NHEJ1: variants seen among roughly 807,000 people sequenced by gnomAD.
NHEJ1 encodes the protein non-homologous end-joining factor 1.
In NHEJ1, 22 loss-of-function variants were observed where a neutral mutation model predicts 39.4. That is an observed-to-expected ratio of 0.56 (90% CI 0.40 to 0.80). The LOEUF is 0.80. NHEJ1 is among the 30% of genes least tolerant of loss of function. The pLI, the probability that NHEJ1 is intolerant of heterozygous loss-of-function variation, is 0.00. For synonymous variants in NHEJ1, 154 were observed against 135.6 expected, an observed-to-expected ratio of 1.14 and a Z score of -0.94; for missense variants, 329 against 357.1, an observed-to-expected ratio of 0.92 and a Z score of 0.63.
At chr2:219,139,295 C>T (rs1243875610) in intron 5 of NHEJ1, among the ~76,000 whole-genome samples, 1 of 152,104 alleles carries the variant, frequency 6.6e-6, no homozygotes, top group Non-Finnish European at 1.5e-5. Context: ...ACCATGTTGG[C>T]CAGGCTGGTC....
chr2:219,076,237 C>A lies in NHEJ1; in HGVS notation c.*144G>T. ...GGCCAATTCCCTGTGGGCCTGTCAA[C>A]ATCAACTTCAGTTCTCTCGCCCTTA... On this transcript the variant is annotated 3_prime_UTR_variant, in exon 8 of 8. Coordinates refer to ENST00000356853, the MANE Select transcript of NHEJ1 (RefSeq NM_024782.3). 1.9e-6 allele frequency: 3 copies of A among 1,539,696 alleles called. No individual in the cohort carries two copies. Among genetic ancestry groups the A allele is most frequent in the Non-Finnish European group, 2.6e-6 (3 of 1,141,292 alleles).
chr2:219,084,679 G>A (rs955158240), intron 5 of NHEJ1, among the ~76,000 whole-genome samples: 1 of 152,160 alleles, frequency 6.6e-6, no homozygotes, highest in African/African-American at 2.4e-5. Context: ...TGAGGCTGAT[G>A]GAAGGATTCC....
At position 219,071,253 on chromosome 2, in the gene NHEJ1, C is replaced by T. The variant is rs1384696166; in HGVS notation, c.*5128G>A. Among the ~76,000 whole-genome samples the T allele has an allele frequency of 6.6e-6, 1 of 152,186 alleles. No individual in the cohort carries two copies. Among genetic ancestry groups the T allele is most frequent in the Non-Finnish European group, 1.5e-5 (1 of 68,028 alleles). On this transcript the variant is annotated 3_prime_UTR_variant, in exon 8 of 8. Transcript: ENST00000356853. ...GTGCCAGTCAAAAGGATCACCCTTC[C>T]CCTACTCCATTCTCCCCTCTCCTGT...
intron 1 of NHEJ1, chr2:219,158,881 TA>T (rs925980119): frequency 2.3e-4 from 42 of 180,156 alleles, no homozygotes; most frequent in Non-Finnish European, 3.2e-4. Flanking sequence ...AGGATTTTTT[TA>T]AAAATCCCTA....
chr2:219,135,441 T>C (rs1228188120), intron 5 of NHEJ1, among the ~76,000 whole-genome samples: 2 of 152,028 alleles, frequency 1.3e-5, no homozygotes, highest in Non-Finnish European at 2.9e-5. Flanking sequence ...ACCTTGTCTC[T>C]ACTAAAAATA....
rs896058103 is a variant in NHEJ1 at position 219,148,934 on chromosome 2, A to G, written c.391-1139T>C. ...GTTTCGCTCATGTTGCCCAGGCTAC[A>G]GTACAGTAGCACGATCTCAGCTCAC... On this transcript the variant is annotated intron_variant, in intron 3 of 7. Coordinates refer to ENST00000356853, the MANE Select transcript of NHEJ1 (RefSeq NM_024782.3). Among the ~76,000 whole-genome samples, 3 of 151,806 alleles carry G rather than the reference A, an allele frequency of 2.0e-5. No homozygotes were observed. In the South Asian group the frequency reaches 6.3e-4, roughly 32 times the overall value.
intron 5 of NHEJ1, among the ~76,000 whole-genome samples, chr2:219,139,494 A>G (rs76341858): frequency 0.019 from 2,921 of 152,276 alleles, 98 homozygotes; most frequent in African/African-American, 0.066. Context: ...CAACAGCCAC[A>G]TGAGAAAGCT....
intron 5 of NHEJ1, among the ~76,000 whole-genome samples, chr2:219,143,619 C>T (rs1049109255): frequency 3.9e-5 from 6 of 152,230 alleles, no homozygotes; most frequent in South Asian, 2.1e-4. Context: ...ACTACAACTA[C>T]CTATCTCTCA....
intron 5 of NHEJ1, among the ~76,000 whole-genome samples, chr2:219,079,206 T>C (rs1003054760): frequency 6.6e-6 from 1 of 152,188 alleles, no homozygotes; most frequent in African/African-American, 2.4e-5. Context: ...CAAACCTGGC[T>C]GCACTTCGGA....
intron 5 of NHEJ1, among the ~76,000 whole-genome samples, chr2:219,083,786 A>G (rs769026124): frequency 7.2e-5 from 11 of 152,206 alleles, no homozygotes; most frequent in East Asian, 5.8e-4. Context: ...CCCTACTCCA[A>G]TGAGTGCTAA....
At chr2:219,093,807 A>G (rs1949182710) in intron 5 of NHEJ1, among the ~76,000 whole-genome samples, 1 of 152,254 alleles carries the variant, frequency 6.6e-6, no homozygotes, top group Non-Finnish European at 1.5e-5. Context: ...AGACACAGTG[A>G]AACCAAATCA....
rs1164655700 is a variant in NHEJ1, at chr2:219,157,972, T to TTC, written c.177+212_177+213dup. 4.8e-3 allele frequency among the ~76,000 whole-genome samples: 627 copies of TTC among 131,860 alleles called. 1 individual carries two copies. The highest frequency in any genetic ancestry group is 7.9e-3 in the Middle Eastern group (2 of 254). 86.5% of individuals were successfully genotyped at this position (131,860 alleles called of 152,430 possible). A position where few individuals can be genotyped will look rare whatever the true frequency, so the allele number is the denominator to read the frequency against. ...CATAGGGTAGGGAAACTAACTTTCTTTCTCTCTCTCTCTCTCTCTCACACA... is the reference window on the plus strand; with the variant it reads ...CATAGGGTAGGGAAACTAACTTTCTTTCTCTCTCTCTCTCTCTCTCTCACACA... On this transcript the variant is annotated intron_variant, in intron 2 of 7. Coordinates refer to ENST00000356853, the MANE Select transcript of NHEJ1 (RefSeq NM_024782.3).
intron 5 of NHEJ1, among the ~76,000 whole-genome samples, chr2:219,135,394 G>T (rs576097875): frequency 3.6e-4 from 55 of 151,024 alleles, no homozygotes; most frequent in Non-Finnish European, 5.8e-4. Flanking sequence ...ATCACTCAAG[G>T]TCAGGAGTTT....
chr2:219,147,355 G>A (rs1205748153), intron 4 of NHEJ1, among the ~76,000 whole-genome samples: 7 of 152,082 alleles, frequency 4.6e-5, no homozygotes, highest in South Asian at 4.1e-4. Flanking sequence ...GGTGGCGTGC[G>A]TCTACAATCC....
rs1406193189 is a variant in NHEJ1 at position 219,111,911 on chromosome 2, G to A, written c.589-33705C>T. Among the ~76,000 whole-genome samples, 3 of 152,084 alleles carry A rather than the reference G, an allele frequency of 2.0e-5. No individual in the cohort carries two copies. Among genetic ancestry groups the A allele is most frequent in the Non-Finnish European group, 2.9e-5 (2 of 68,020 alleles). On this transcript the variant is annotated intron_variant, in intron 5 of 7. Coordinates refer to ENST00000356853, the MANE Select transcript of NHEJ1 (RefSeq NM_024782.3). This position sits in a 1 kb window ranked among gnomAD's most constrained non-coding sequence, Gnocchi z 4.1. ...GCGAGGCCATGCTTTAGGGGTGGGG[G>A]GATGAATGAGAGGGGCAGGAGACAT...
chr2:219,087,016 T>TG (rs1049798121), intron 5 of NHEJ1, among the ~76,000 whole-genome samples: 5 of 151,868 alleles, frequency 3.3e-5, no homozygotes, highest in African/African-American at 9.7e-5. Context: ...AGTGGTTTCC[T>TG]GGGGGGGACG....
In NHEJ1 at chr2:219,159,553, ATATATATATG is replaced by A; in HGVS notation, c.-1+1157_-1+1166del. 1.8e-3 allele frequency among the ~76,000 whole-genome samples: 7 copies of A among 3,948 alleles called. 1 individual carries two copies. The East Asian group carries it at 0.18, about 104-fold the overall frequency. The allele number at this position is 3,948 out of a possible 152,430, so 2.6% of individuals were successfully genotyped here. ...TATATATATGCATATATATATATGC[ATATATATATG>A]CATATATATATGCATATATATATGC... On this transcript the variant is annotated intron_variant, in intron 1 of 7. Coordinates refer to ENST00000356853, the MANE Select transcript of NHEJ1 (RefSeq NM_024782.3).
At chr2:219,089,174 G>A (rs531609518) in intron 5 of NHEJ1, among the ~76,000 whole-genome samples, 24 of 152,220 alleles carry the variant, frequency 1.6e-4, no homozygotes, top group African/African-American at 3.1e-4. Context: ...GGAAAACAGC[G>A]AGGTAGTTAC....
At chr2:219,109,243 T>G (rs1427033439) in intron 5 of NHEJ1, among the ~76,000 whole-genome samples, 1 of 152,146 alleles carries the variant, frequency 6.6e-6, no homozygotes, top group East Asian at 1.9e-4. Flanking sequence ...ATGCCAGGGA[T>G]TCTGGTTATT....
Sources: gnomAD v4.1 joint callset for allele counts (sites outside exome capture counted in the v4.1 genomes callset) on GRCh38, gnomAD v4.1.1 for gene constraint, Gnocchi (gnomAD v3.1) non-coding constraint, MANE v1.5 for transcripts, NCBI Gene and HGNC (gene_info 2026-07-23, HGNC 2026-07-21) for gene names.